NEDD4L: variants seen among roughly 807,000 people sequenced by gnomAD.
NEDD4L encodes the protein NEDD4 like E3 ubiquitin protein ligase.
In NEDD4L, 54 loss-of-function variants were observed where a neutral mutation model predicts 148.9. The ratio of observed to expected loss-of-function variants is 0.36; its 90% CI spans 0.29 to 0.45. The LOEUF is 0.45. Ranked by LOEUF, NEDD4L falls within the 20% of genes least tolerant of loss-of-function variation. The pLI, the probability that NEDD4L is intolerant of heterozygous loss-of-function variation, is 1.00. For synonymous variants in NEDD4L, 433 were observed against 440.7 expected (o/e 0.98, Z 0.22); for missense variants, 856 against 1,233.8 (o/e 0.69, Z 4.59).
At chr18:58,323,106 T>G (rs1183513159) in intron 7 of NEDD4L, 126 bp from the exon 8 acceptor site, 10 of 512,986 alleles carry the variant, frequency 1.9e-5, no homozygotes, top group South Asian at 3.9e-5. Flanking sequence ...CCCTGTGTGC[T>G]GTGGGTATGG....
At chr18:58,205,014 G>A (rs2041834234) in intron 2 of NEDD4L, among the ~76,000 whole-genome samples, 1 of 152,200 alleles carries the variant, frequency 6.6e-6, no homozygotes, top group African/African-American at 2.4e-5. Flanking sequence ...TAGTCTGTGA[G>A]CATCTCCATA....
At chr18:58,279,857 C>T (rs2052733363) in intron 5 of NEDD4L, among the ~76,000 whole-genome samples, 3 of 152,150 alleles carry the variant, frequency 2.0e-5, no homozygotes, top group Admixed American at 6.5e-5. Flanking sequence ...TTCTAAAGTA[C>T]ATTCACAAAT....
chr18:58,302,950 T>C (rs1450648220), intron 5 of NEDD4L, among the ~76,000 whole-genome samples: 1 of 152,204 alleles, frequency 6.6e-6, no homozygotes, highest in African/African-American at 2.4e-5. Flanking sequence ...TAGTCGTCAG[T>C]AGAGGGCATG....
intron 5 of NEDD4L, among the ~76,000 whole-genome samples, chr18:58,300,883 A>G (rs888541274): frequency 7.2e-5 from 11 of 152,220 alleles, no homozygotes; most frequent in Admixed American, 1.3e-4. Context: ...ACAGATTATT[A>G]GAGAATTTTT....
intron 5 of NEDD4L, among the ~76,000 whole-genome samples, chr18:58,299,508 T>C (rs982735950): frequency 6.6e-6 from 1 of 152,252 alleles, no homozygotes; most frequent in African/African-American, 2.4e-5. Context: ...TTAGTACCTT[T>C]GTGTATACTA....
intron 1 of NEDD4L, among the ~76,000 whole-genome samples, chr18:58,084,006 C>G (rs1003094140): frequency 7.2e-5 from 11 of 152,196 alleles, no homozygotes; most frequent in African/African-American, 2.7e-4. Flanking sequence ...GCTGGGATTA[C>G]AGGCGTGAGC....
intron 1 of NEDD4L, 113 bp from the exon 2 acceptor site, chr18:58,165,675 G>C: frequency 1.3e-6 from 2 of 1,525,756 alleles, no homozygotes; most frequent in South Asian, 2.4e-5. Context: ...GAATTGATTT[G>C]TTCTGTATCC....
At position 58,225,365 on chromosome 18, in the gene NEDD4L, G is replaced by T. The variant is rs562894215; in HGVS notation, c.123-20062G>T. Among the ~76,000 whole-genome samples, 8 of 152,354 alleles carry T rather than the reference G, an allele frequency of 5.3e-5. No homozygotes were observed. In the South Asian group the frequency reaches 1.7e-3, roughly 32 times the overall value. On this transcript the variant is annotated intron_variant, in intron 2 of 30. Coordinates refer to ENST00000400345, the MANE Select transcript of NEDD4L (RefSeq NM_001144967.3). ...CCCAGAAACTCAACAGTGAGATTCA[G>T]CTCAGCAATGTGGGCGGGGAACCCA...
intron 21 of NEDD4L, among the ~76,000 whole-genome samples, chr18:58,367,389 C>T (rs1427932208): frequency 1.3e-5 from 2 of 152,176 alleles, no homozygotes; most frequent in Non-Finnish European, 2.9e-5. Flanking sequence ...ATCACAGAGA[C>T]GACCTAAAGT....
chr18:58,057,720 A>C (rs1185267733), intron 1 of NEDD4L, among the ~76,000 whole-genome samples: 4 of 152,310 alleles, frequency 2.6e-5, no homozygotes, highest in African/African-American at 9.6e-5. Flanking sequence ...TGGTAATGGC[A>C]GCCAGTGATC....
At chr18:58,100,855 G>A (rs1044881687) in intron 1 of NEDD4L, among the ~76,000 whole-genome samples, 1 of 152,216 alleles carries the variant, frequency 6.6e-6, no homozygotes, top group African/African-American at 2.4e-5. Flanking sequence ...CATCCAGGCT[G>A]GAGTGCAGTG....
rs551029321 is a variant in NEDD4L at position 58,109,578 on chromosome 18, T to G, written c.49-56210T>G. ...ACTAGGAGGTTTTTTTTTTGTTTTT[T>G]TTTTTTTTTTTGAGACGGAGTCTCA... On this transcript the variant is annotated intron_variant, in intron 1 of 30. Transcript: ENST00000400345. Among the ~76,000 whole-genome samples, 51 of 147,936 alleles carry G rather than the reference T, an allele frequency of 3.4e-4. 1 individual carries two copies. The highest frequency in any genetic ancestry group is 9.5e-4 in the African/African-American group (38 of 40,208).
At chr18:58,119,323 G>A (rs1338737783) in intron 1 of NEDD4L, among the ~76,000 whole-genome samples, 2 of 152,152 alleles carry the variant, frequency 1.3e-5, no homozygotes, top group Non-Finnish European at 2.9e-5. Context: ...TGGGGGAGGT[G>A]TGGGCACCTG....
chr18:58,175,905 C>T (rs994534662), intron 2 of NEDD4L, among the ~76,000 whole-genome samples: 2 of 152,196 alleles, frequency 1.3e-5, no homozygotes, highest in Non-Finnish European at 2.9e-5. Context: ...ACCACCCAGC[C>T]GACCAGGTTT....
Position 58,341,075 on chromosome 18 carries a change from C to G in NEDD4L, c.1163C>G (p.Pro388Arg). Residue 388 changes from proline (P) to arginine (R), a missense_variant, in exon 14 of 31, where the codon CCT becomes CGT. Pro to Arg is a moderately radical substitution (Grantham distance 103, BLOSUM62 -2). This residue lies in a region of NEDD4L where 367 missense variants were observed against 422.7 expected (regional missense o/e 0.87). Transcript: ENST00000400345. ...VAYVHTTPGL[P>R]SGWEERKDAK... The stretch of plus-strand genomic sequence containing the variant: ...TATGTACATACCACGCCGGGTCTGC[C>G]TTCAGGCTGGGAAGAAAGAAAAGAT... 1 of 1,611,476 alleles carries G rather than the reference C, an allele frequency of 6.2e-7. No individual in the cohort carries two copies. The highest frequency in any genetic ancestry group is 8.5e-7 in the Non-Finnish European group (1 of 1,178,834).
In NEDD4L at chr18:58,365,837, G is replaced by A. The variant is rs1327779081; in HGVS notation, c.1834-162G>A. On this transcript the variant is annotated intron_variant, in intron 20 of 30. Transcript: ENST00000400345. ...CGTGACACAGCAAGGCTTTCTGTCT[G>A]CAAGGGAAAACCCCTAAAGGAGAGA... Among the ~76,000 whole-genome samples, 19 of 152,304 alleles carry A rather than the reference G, an allele frequency of 1.2e-4. No homozygotes were observed. The East Asian group carries it at 3.7e-3, about 29-fold the overall frequency.
chr18:58,311,213 G>T (rs142516103), intron 5 of NEDD4L, among the ~76,000 whole-genome samples: 2 of 152,170 alleles, frequency 1.3e-5, no homozygotes, highest in Non-Finnish European at 2.9e-5. Flanking sequence ...CCTCAAAATA[G>T]CACATACCTG....
chr18:58,276,022 G>T (rs894645250), intron 5 of NEDD4L, among the ~76,000 whole-genome samples: 1 of 152,032 alleles, frequency 6.6e-6, no homozygotes, highest in Non-Finnish European at 1.5e-5. Flanking sequence ...TAAGTCTTTG[G>T]CCTCTTCTGA....
intron 1 of NEDD4L, among the ~76,000 whole-genome samples, chr18:58,124,810 T>C (rs1479084260): frequency 6.6e-6 from 1 of 152,256 alleles, no homozygotes; most frequent in African/African-American, 2.4e-5. Flanking sequence ...GTGCTTCCTA[T>C]GTGCCTGACA....
Sources: gnomAD v4.1 joint callset for allele counts (sites outside exome capture counted in the v4.1 genomes callset) on GRCh38, gnomAD v4.1.1 for gene constraint, gnomAD v4.1.1 regional missense constraint, MANE v1.5 for transcripts, NCBI Gene and HGNC (gene_info 2026-07-23, HGNC 2026-07-21) for gene names.